PTPRN2: variants seen among roughly 807,000 people sequenced by gnomAD.
PTPRN2 encodes the protein protein tyrosine phosphatase receptor type N2, also known as receptor-type tyrosine-protein phosphatase N2.
PTPRN2 carries 74 observed loss-of-function variants against 118.8 expected under a neutral mutation model. The observed-to-expected ratio is 0.62, with a 90% CI of 0.52 to 0.76. The LOEUF is 0.76. Among genes scored for constraint, PTPRN2 ranks in the 30% least tolerant of loss-of-function variants. PTPRN2 has a pLI of 0.00. For synonymous variants in PTPRN2, 641 were observed against 608.0 expected, an observed-to-expected ratio of 1.05 and a Z score of -0.80; for missense variants, 1,481 against 1,394.4, an observed-to-expected ratio of 1.06 and a Z score of -0.99.
At chr7:158,161,874 T>G (rs984790148) in intron 6 of PTPRN2, among the ~76,000 whole-genome samples, 6 of 152,002 alleles carry the variant, frequency 3.9e-5, no homozygotes, top group African/African-American at 1.5e-4. Context: ...ATTCAAGAAC[T>G]TTACAAACTC....
chr7:158,179,135 G>A (rs1415326921), intron 5 of PTPRN2, among the ~76,000 whole-genome samples: 2 of 152,158 alleles, frequency 1.3e-5, no homozygotes, highest in African/African-American at 2.4e-5. Context: ...GTGGATAAGT[G>A]TTCCCTTTTC....
At chr7:157,695,400 A>G (rs1395495323) in intron 12 of PTPRN2, among the ~76,000 whole-genome samples, 1 of 152,158 alleles carries the variant, frequency 6.6e-6, no homozygotes, top group Non-Finnish European at 1.5e-5. Flanking sequence ...ATTTTACAGT[A>G]CACAAATAGT....
chr7:157,760,001 C>A (rs544757520), intron 12 of PTPRN2, among the ~76,000 whole-genome samples: 1 of 152,328 alleles, frequency 6.6e-6, no homozygotes, highest in East Asian at 1.9e-4. Flanking sequence ...GCAGCCCCTA[C>A]CTGTCAGGGG....
At chr7:158,171,919 G>T (rs1823736072) in intron 5 of PTPRN2, among the ~76,000 whole-genome samples, 1 of 152,184 alleles carries the variant, frequency 6.6e-6, no homozygotes, top group Non-Finnish European at 1.5e-5. Flanking sequence ...CTAATTTCCA[G>T]TACAGGCGAT....
intron 14 of PTPRN2, among the ~76,000 whole-genome samples, chr7:157,651,917 T>C (rs1441147653): frequency 6.6e-6 from 1 of 152,164 alleles, no homozygotes; most frequent in East Asian, 1.9e-4. Context: ...CTCCTCTGAG[T>C]GCTCCATTCA....
At chr7:157,858,081 C>CCCAGCTACCACCCACACTCCT (rs777572451) in intron 12 of PTPRN2, among the ~76,000 whole-genome samples, 1 of 116,824 alleles carries the variant, frequency 8.6e-6, no homozygotes, top group Non-Finnish European at 1.8e-5. Context: ...GGGAGAACCC[C>CCCAGCTACCACCCACACTCCT]GTCACCACCC....
chr7:157,566,921 G>T (rs548581980), intron 21 of PTPRN2, among the ~76,000 whole-genome samples: 8 of 152,210 alleles, frequency 5.3e-5, no homozygotes, highest in Non-Finnish European at 1.0e-4. Context: ...GGATGGGCAG[G>T]TTCCATTGGA....
chr7:158,471,241 G>A (rs974657418), intron 2 of PTPRN2, among the ~76,000 whole-genome samples: 2 of 152,154 alleles, frequency 1.3e-5, no homozygotes, highest in African/African-American at 4.8e-5. Context: ...TGGAGGCAAA[G>A]CCAGCCTCTC....
intron 11 of PTPRN2, among the ~76,000 whole-genome samples, chr7:157,978,945 C>T (rs1026343802): frequency 6.6e-6 from 1 of 152,038 alleles, no homozygotes; most frequent in African/African-American, 2.4e-5. Context: ...TTGTCTACGA[C>T]ACCTGCCCAG....
Position 158,576,711 on chromosome 7 carries a change from G to C in PTPRN2, c.112+10847C>G, listed in dbSNP as rs528868755. Among the ~76,000 whole-genome samples the C allele has an allele frequency of 4.5e-4, 69 of 152,306 alleles. No homozygotes were observed. In the East Asian group the frequency reaches 0.012, roughly 26 times the overall value. On this transcript the variant is annotated intron_variant, in intron 1 of 22. Transcript: ENST00000389418. Reference sequence around the variant, plus strand: ...GGGCATCTGGCTCCCAGTCCTGCCCGATGCCACAAACACCATGGGGCCTGC... The same window carrying C: ...GGGCATCTGGCTCCCAGTCCTGCCCCATGCCACAAACACCATGGGGCCTGC...
At chr7:158,395,219 G>C (rs1447411581) in intron 2 of PTPRN2, among the ~76,000 whole-genome samples, 1 of 150,726 alleles carries the variant, frequency 6.6e-6, no homozygotes, top group Non-Finnish European at 1.5e-5. Flanking sequence ...TAGATGGCAC[G>C]CAGGCGCGGT....
rs1035734766 is a variant in PTPRN2 at position 157,868,256 on chromosome 7, G to A, written c.1788+30417C>T. ...CCATCGAGGTGGTGGGCTGGGACTC[G>A]GCAAGCCCATCTGAACAGGGCTCTC... On this transcript the variant is annotated intron_variant, in intron 12 of 22. Coordinates refer to ENST00000389418, the MANE Select transcript of PTPRN2 (RefSeq NM_002847.5). This position sits in a 1 kb window ranked among gnomAD's most constrained non-coding sequence, Gnocchi z 5.2. 1.3e-5 allele frequency among the ~76,000 whole-genome samples: 2 copies of A among 152,180 alleles called. No individual in the cohort carries two copies. Among genetic ancestry groups the A allele is most frequent in the African/African-American group, 4.8e-5 (2 of 41,430 alleles).
At position 158,416,608 on chromosome 7, in the gene PTPRN2, A is replaced by G. The variant is rs1814674375; in HGVS notation, c.163+73127T>C. On this transcript the variant is annotated intron_variant, in intron 2 of 22. Coordinates refer to ENST00000389418, the MANE Select transcript of PTPRN2 (RefSeq NM_002847.5). Reference sequence around the variant, plus strand: ...AGTGAATTATCAGAAGAAAGAACAGACAAACAAAGATATAAGTGCACCAGA... The same window carrying G: ...AGTGAATTATCAGAAGAAAGAACAGGCAAACAAAGATATAAGTGCACCAGA... 2.0e-5 allele frequency among the ~76,000 whole-genome samples: 3 copies of G among 147,698 alleles called. No homozygotes were observed. In the South Asian group the frequency reaches 6.2e-4, roughly 31 times the overall value.
chr7:158,519,228 A>G (rs974902167), intron 1 of PTPRN2, among the ~76,000 whole-genome samples: 1 of 152,270 alleles, frequency 6.6e-6, no homozygotes, highest in South Asian at 2.1e-4. Context: ...GGGAAGAGGG[A>G]GAAAACATTA....
chr7:157,785,684 G>A lies in PTPRN2; in HGVS notation c.1789-102747C>T, dbSNP rs1296552298. The stretch of plus-strand genomic sequence containing the variant: ...AGACCGTGGGCACAGCACACCAAGG[G>A]GGAGCCTGCTCAGAGATGGGCATGG... On this transcript the variant is annotated intron_variant, in intron 12 of 22. Coordinates refer to ENST00000389418, the MANE Select transcript of PTPRN2 (RefSeq NM_002847.5). This position sits in a 1 kb window ranked among gnomAD's most constrained non-coding sequence, Gnocchi z 7.3. 6.6e-6 allele frequency among the ~76,000 whole-genome samples: 1 copy of A among 152,164 alleles called. No homozygotes were observed. Among genetic ancestry groups the A allele is most frequent in the Admixed American group, 6.5e-5 (1 of 15,286 alleles).
At chr7:157,856,490 C>T (rs1222248754) in intron 12 of PTPRN2, among the ~76,000 whole-genome samples, 2 of 152,236 alleles carry the variant, frequency 1.3e-5, no homozygotes, top group Non-Finnish European at 2.9e-5. Context: ...CTCCGAGGCT[C>T]AGCCTTCAAC....
intron 12 of PTPRN2, among the ~76,000 whole-genome samples, chr7:157,756,233 C>T (rs1242782): frequency 0.1 from 15,167 of 152,056 alleles, 1,001 homozygotes; most frequent in Admixed American, 0.2. Context: ...TAATGAAGTT[C>T]TAGGTTAGGA....
At chr7:158,054,270 G>T (rs1014601269) in intron 11 of PTPRN2, among the ~76,000 whole-genome samples, 1 of 152,210 alleles carries the variant, frequency 6.6e-6, no homozygotes, top group Non-Finnish European at 1.5e-5. Flanking sequence ...TTTCCCATGC[G>T]TGGGCCGATT....
At chr7:158,049,684 T>A (rs1053166597) in intron 11 of PTPRN2, among the ~76,000 whole-genome samples, 2 of 152,166 alleles carry the variant, frequency 1.3e-5, no homozygotes, top group Non-Finnish European at 2.9e-5. Context: ...GTGGATCACC[T>A]GAGGTCAGGG....
Sources: gnomAD v4.1 joint callset for allele counts (sites outside exome capture counted in the v4.1 genomes callset) on GRCh38, gnomAD v4.1.1 for gene constraint, Gnocchi (gnomAD v3.1) non-coding constraint, MANE v1.5 for transcripts, NCBI Gene and HGNC (gene_info 2026-07-23, HGNC 2026-07-21) for gene names.